The following TSHZ2 variants were observed in gnomAD, a reference collection of about 807,000 sequenced individuals.
TSHZ2 encodes teashirt homolog 2.
In TSHZ2, 21 loss-of-function variants were observed where a neutral mutation model predicts 74.4. That is an observed-to-expected ratio of 0.28 (90% CI 0.20 to 0.41). The LOEUF (loss-of-function observed/expected upper bound fraction) is 0.41, where lower values mean the gene tolerates loss of function less well. Ranked by LOEUF, TSHZ2 falls within the 10% of genes least tolerant of loss-of-function variation. The probability of loss-of-function intolerance (pLI) is 1.00; values close to 1 mark genes in which losing one functional copy is unlikely to be tolerated. For missense variants in TSHZ2, 1,244 were observed against 1,293.5 expected (o/e 0.96, Z 0.59); for synonymous variants, 540 against 515.3 (o/e 1.05, Z -0.65).
chr20:53,138,437 A>G (rs1987306171), intron 1 of TSHZ2, among the ~76,000 whole-genome samples: 1 of 151,796 alleles, frequency 6.6e-6, no homozygotes, highest in Non-Finnish European at 1.5e-5. Flanking sequence ...CCTCCAAAAT[A>G]GCAAATAGTC....
intron 2 of TSHZ2, among the ~76,000 whole-genome samples, chr20:53,314,416 G>A (rs954502504): frequency 1.3e-5 from 2 of 151,972 alleles, no homozygotes; most frequent in Admixed American, 6.6e-5. Context: ...CTTTCATTCT[G>A]TGGGTCAGGA....
At chr20:53,270,763 G>T (rs1343083058) in intron 2 of TSHZ2, among the ~76,000 whole-genome samples, 1 of 152,110 alleles carries the variant, frequency 6.6e-6, no homozygotes, top group Non-Finnish European at 1.5e-5. Flanking sequence ...CTTCAAATGT[G>T]CATGGTTTTA....
At chr20:53,178,802 C>T (rs1315501672) in intron 1 of TSHZ2, 1 of 152,194 alleles carries the variant, frequency 6.6e-6, no homozygotes. Flanking sequence ...AGCATCCAGT[C>T]ATAGCATCGC....
intron 1 of TSHZ2, among the ~76,000 whole-genome samples, chr20:53,014,195 C>CAGAGAGAGAGAG (rs10539599): frequency 6.7e-6 from 1 of 149,946 alleles, no homozygotes; most frequent in African/African-American, 2.5e-5. Context: ...CTTCATACGG[C>CAGAGAGAGAGAG]AGAGAGAGAG....
rs116957557 is a variant in TSHZ2 at position 53,023,688 on chromosome 20, T to C, written c.40+50355T>C. Among the ~76,000 whole-genome samples the C allele has an allele frequency of 5.7e-3, 866 of 152,078 alleles. 11 individuals carry two copies. The highest frequency in any genetic ancestry group is 7.2e-3 in the Non-Finnish European group (489 of 67,966). On this transcript the variant is annotated intron_variant, in intron 1 of 2. Transcript: ENST00000371497. ...ATGTTTCAAATACCATTTTTCTTCC[T>C]TATAGTTAAAAACAACAGCAGCCAA... is the stretch of plus-strand genomic sequence containing the variant.
At chr20:53,401,065 G>A (rs1982642000) in intron 2 of TSHZ2, 1 of 152,216 alleles carries the variant, frequency 6.6e-6, no homozygotes, top group South Asian at 2.1e-4. Flanking sequence ...ACCAGCCCGA[G>A]AACACACAGC....
At chr20:53,030,613 T>C (rs1381822747) in intron 1 of TSHZ2, among the ~76,000 whole-genome samples, 2 of 152,228 alleles carry the variant, frequency 1.3e-5, no homozygotes, top group East Asian at 3.8e-4. Flanking sequence ...GGTTACAGTA[T>C]GTGAAGTTTC....
chr20:53,083,847 A>G (rs996574722), intron 1 of TSHZ2, among the ~76,000 whole-genome samples: 3 of 151,500 alleles, frequency 2.0e-5, no homozygotes, highest in Non-Finnish European at 2.9e-5. Flanking sequence ...TATTTTTTTT[A>G]TAAGTTTTCT....
At chr20:53,112,023 G>A (rs1030360924) in intron 1 of TSHZ2, among the ~76,000 whole-genome samples, 15 of 152,266 alleles carry the variant, frequency 9.9e-5, no homozygotes, top group Admixed American at 5.2e-4. Context: ...CCCATGTCCC[G>A]GCCTCATCAA....
chr20:53,295,659 G>A (rs756803859), intron 2 of TSHZ2, among the ~76,000 whole-genome samples: 3 of 152,090 alleles, frequency 2.0e-5, no homozygotes, highest in African/African-American at 4.8e-5. Flanking sequence ...AAAAAAAGGA[G>A]CAAATGACAA....
chr20:53,281,953 G>A (rs1991069146), intron 2 of TSHZ2, among the ~76,000 whole-genome samples: 1 of 152,186 alleles, frequency 6.6e-6, no homozygotes, highest in African/African-American at 2.4e-5. Context: ...CAGCTTCAGC[G>A]ACCAGGGGAC....
chr20:53,465,788 G>A (rs1047438503), intron 2 of TSHZ2, among the ~76,000 whole-genome samples: 2 of 151,994 alleles, frequency 1.3e-5, no homozygotes, highest in African/African-American at 4.8e-5. Flanking sequence ...TCAAGCTTCA[G>A]GCAAAAGATG....
intron 2 of TSHZ2, among the ~76,000 whole-genome samples, chr20:53,325,705 T>C (rs1009963357): frequency 6.6e-6 from 1 of 152,218 alleles, no homozygotes; most frequent in Non-Finnish European, 1.5e-5. Context: ...TTTAACTGTG[T>C]GAAGTTTTTG....
At position 53,053,581 on chromosome 20, in the gene TSHZ2, G is replaced by GTATATA. The variant is rs10566003; in HGVS notation, c.40+80262_40+80267dup. ...GCTATATATGTATGTATATGTGTGT[G>GTATATA]TATATATATATATATATATTTTTCT... On this transcript the variant is annotated intron_variant, in intron 1 of 2. Coordinates refer to ENST00000371497, the MANE Select transcript of TSHZ2 (RefSeq NM_173485.6). Among the ~76,000 whole-genome samples the GTATATA allele has an allele frequency of 3.1e-3, 469 of 150,006 alleles. 2 individuals are homozygous for GTATATA. Among genetic ancestry groups the GTATATA allele is most frequent in the Non-Finnish European group, 5.4e-3 (367 of 67,468 alleles).
At chr20:53,290,675 G>T (rs1354078143) in intron 2 of TSHZ2, among the ~76,000 whole-genome samples, 1 of 152,152 alleles carries the variant, frequency 6.6e-6, no homozygotes, top group Non-Finnish European at 1.5e-5. Flanking sequence ...TTCATTATGG[G>T]TATTACGTGC....
At position 53,254,412 on chromosome 20, in the gene TSHZ2, C is replaced by G. The variant is rs755602779; in HGVS notation, c.954C>G (p.Thr318=). ...CAACCATTTCCTCGAAAATGGTCAC[C>G]CCGGCTAAGAAACGCGTTTTTGATG... ...PVPTISSKMV[T]PAKKRVFDVN... Residue 318 remains threonine (T), a synonymous_variant, in exon 2 of 3, where the codon ACC becomes ACG. Coordinates refer to ENST00000371497, the MANE Select transcript of TSHZ2 (RefSeq NM_173485.6). The G allele has an allele frequency of 6.2e-6, 10 of 1,613,440 alleles. No homozygotes were observed. The African/African-American group carries it at 8.0e-5, about 13-fold the overall frequency.
At chr20:53,096,786 G>T (rs1986062463) in intron 1 of TSHZ2, among the ~76,000 whole-genome samples, 1 of 151,946 alleles carries the variant, frequency 6.6e-6, no homozygotes, top group Admixed American at 6.5e-5. Flanking sequence ...GGAGGCTGAG[G>T]CAGGAGAATC....
intron 1 of TSHZ2, among the ~76,000 whole-genome samples, chr20:52,977,018 T>G (rs1197697057): frequency 6.6e-6 from 1 of 152,228 alleles, no homozygotes; most frequent in African/African-American, 2.4e-5. Flanking sequence ...CAATCATTAC[T>G]TAAAAGTTGC....
chr20:53,476,745 G>C (rs891575303), intron 2 of TSHZ2, among the ~76,000 whole-genome samples: 3 of 146,464 alleles, frequency 2.0e-5, no homozygotes, highest in African/African-American at 7.8e-5. Context: ...TGACATGATT[G>C]TATATCTAGA....
Sources: allele counts gnomAD v4.1 joint callset (sites outside exome capture counted in the v4.1 genomes callset), GRCh38; gene constraint gnomAD v4.1.1; transcripts MANE v1.5; gene names NCBI Gene and HGNC (gene_info 2026-07-23, HGNC 2026-07-21).